ELOA: variants seen among roughly 807,000 people sequenced by gnomAD.
ELOA encodes the protein elongin A.
ELOA carries 15 observed loss-of-function variants against 85.2 expected under a neutral mutation model. That is an observed-to-expected ratio of 0.18 (90% CI 0.12 to 0.27). The LOEUF (loss-of-function observed/expected upper bound fraction) is 0.27. ELOA is among the 10% of genes least tolerant of loss of function. The pLI is 1.00. For synonymous variants in ELOA, 348 were observed against 357.2 expected (o/e 0.97, Z 0.29); for missense variants, 769 against 952.7 (o/e 0.81, Z 2.54).
At chr1:23,752,644 G>A (rs1644776554) in intron 5 of ELOA, 126 bp downstream of exon 5, 2 of 1,040,926 alleles carry the variant, frequency 1.9e-6, no homozygotes, top group East Asian at 2.9e-5. Flanking sequence ...ATTGCTTGCG[G>A]CCAAGGGTTC....
At chr1:23,754,518 A>T (rs1644786255) in intron 7 of ELOA, 58 bp downstream of exon 7, 2 of 1,369,910 alleles carry the variant, frequency 1.5e-6, no homozygotes, top group Admixed American at 3.4e-5. Context: ...CTCCAGAAAT[A>T]GCTTTGTCCC....
Position 23,759,803 on chromosome 1 carries a change from G to T in ELOA, c.*230G>T. The T allele has an allele frequency of 3.7e-6, 2 of 533,538 alleles. No homozygotes were observed. Among genetic ancestry groups the T allele is most frequent in the Non-Finnish European group, 3.3e-6 (1 of 299,218 alleles). The allele number at this position is 533,538 out of a possible 1,614,324, so 33.1% of individuals were successfully genotyped here. ...AGATGTGAAGCCTCTGTCTCACTGA[G>T]GATTTTAAAGGTCAATTATACTTTT... On this transcript the variant is annotated 3_prime_UTR_variant, in exon 11 of 11. Coordinates refer to ENST00000613537, the MANE Select transcript of ELOA (RefSeq NM_003198.3).
intron 1 of ELOA, among the ~76,000 whole-genome samples, chr1:23,744,448 T>A: frequency 7.0e-6 from 1 of 142,854 alleles, no homozygotes; most frequent in East Asian, 2.0e-4. Context: ...GTTGTCAGGA[T>A]TTTTTTTTTT....
chr1:23,746,823 A>G (rs935153312), intron 1 of ELOA, among the ~76,000 whole-genome samples: 3 of 152,172 alleles, frequency 2.0e-5, no homozygotes, highest in Admixed American at 2.0e-4. Flanking sequence ...CAAGCTCTAT[A>G]GTTGGTATCT....
chr1:23,758,314 C>T (rs1190677307), intron 10 of ELOA, among the ~76,000 whole-genome samples: 2 of 105,412 alleles, frequency 1.9e-5, no homozygotes, highest in Admixed American at 1.3e-4. Context: ...CACTCTGTCG[C>T]CTGGGCTGGA....
chr1:23,758,824 C>G (rs2148389514), intron 10 of ELOA, among the ~76,000 whole-genome samples: 1 of 152,072 alleles, frequency 6.6e-6, no homozygotes, highest in African/African-American at 2.4e-5. Context: ...TGTTTCTACA[C>G]TGGACAGATT....
In ELOA at chr1:23,756,004, A is replaced by G. The variant is rs2148388044; in HGVS notation, c.1953A>G (p.Ala651=). The G allele has an allele frequency of 6.2e-7, 1 of 1,613,096 alleles. No individual in the cohort carries two copies. The highest frequency in any genetic ancestry group is 8.5e-7 in the Non-Finnish European group (1 of 1,179,768). ...TACTAACAAAGAATATCCAGTTCGCACATGCCAATAAGCCCAAAGGTAACA... is the reference window on the plus strand; with the variant it reads ...TACTAACAAAGAATATCCAGTTCGCGCATGCCAATAAGCCCAAAGGTAACA... ...LRVLTKNIQF[A]HANKPKGRQA... Residue 651 remains alanine, a synonymous_variant, in exon 8 of 11, where the codon GCA becomes GCG. Coordinates refer to ENST00000613537, the MANE Select transcript of ELOA (RefSeq NM_003198.3).
rs753868190 is a variant in ELOA at position 23,750,816 on chromosome 1, T to C, written c.240-29T>C. 31 of 1,530,176 alleles carry C rather than the reference T, an allele frequency of 2.0e-5. No individual in the cohort carries two copies. The East Asian group carries it at 6.8e-4, about 34-fold the overall frequency. The allele number at this position is 1,530,176 out of a possible 1,614,324, so 94.8% of individuals were successfully genotyped here. On this transcript the variant is annotated intron_variant, in intron 3 of 10. Coordinates refer to ENST00000613537, the MANE Select transcript of ELOA (RefSeq NM_003198.3). Reference sequence around the variant, plus strand: ...TCCCTCAAGAAGCAAGATTTAGACCTACTTTGTCTGCTTTTTCTTTTATTT... The same window carrying C: ...TCCCTCAAGAAGCAAGATTTAGACCCACTTTGTCTGCTTTTTCTTTTATTT...
Position 23,758,251 on chromosome 1 carries a change from A to ATTTTTTTTTTTTT in ELOA, c.2257+1129_2257+1130insTTTTTTTTTTTTT, listed in dbSNP as rs1276332597. On this transcript the variant is annotated intron_variant, in intron 10 of 10. Transcript: ENST00000613537. ...TATATCTAATTGGGTCTTCCAATTT[A>ATTTTTTTTTTTTT]TTTATTTATTTTTTTTTTTTTTTTT... is the stretch of plus-strand genomic sequence containing the variant. Among the ~76,000 whole-genome samples the ATTTTTTTTTTTTT allele has an allele frequency of 2.0e-3, 95 of 48,536 alleles. 9 individuals are homozygous for ATTTTTTTTTTTTT. The highest frequency in any genetic ancestry group is 4.4e-3 in the East Asian group (7 of 1,598). 31.8% of individuals were successfully genotyped at this position (48,536 alleles called of 152,430 possible). A position where few individuals can be genotyped will look rare whatever the true frequency, so the allele number is the denominator to read the frequency against.
intron 1 of ELOA, chr1:23,744,230 G>C (rs542538358): frequency 1.3e-5 from 2 of 152,386 alleles, no homozygotes; most frequent in African/African-American, 4.8e-5. Context: ...GCCCGGGGTT[G>C]GAAGTCGCAG....
intron 1 of ELOA, among the ~76,000 whole-genome samples, chr1:23,746,247 C>T (rs563307149): frequency 2.2e-4 from 32 of 148,604 alleles, no homozygotes; most frequent in African/African-American, 7.9e-4. Flanking sequence ...GAGATCGCGC[C>T]ATTGCACTCC....
intron 1 of ELOA, among the ~76,000 whole-genome samples, chr1:23,746,500 G>A (rs551762969): frequency 6.6e-6 from 1 of 150,740 alleles, no homozygotes; most frequent in East Asian, 1.9e-4. Context: ...CCAGCTACTC[G>A]GGAGGCTGAG....
At chr1:23,749,695 CA>C in intron 2 of ELOA, 146 bp from the exon 3 acceptor site, 1 of 664,778 alleles carries the variant, frequency 1.5e-6, no homozygotes. Flanking sequence ...GGCATAGACA[CA>C]AAGTAATTTA....
At chr1:23,746,877 G>A (rs902473490) in intron 1 of ELOA, among the ~76,000 whole-genome samples, 1 of 152,182 alleles carries the variant, frequency 6.6e-6, no homozygotes, top group Non-Finnish European at 1.5e-5. Context: ...GATGCCCAAT[G>A]TGCCTTTGCC....
At chr1:23,757,758 C>T (rs1016270913) in intron 10 of ELOA, among the ~76,000 whole-genome samples, 1 of 151,108 alleles carries the variant, frequency 6.6e-6, no homozygotes, top group Non-Finnish European at 1.5e-5. Flanking sequence ...CTTGGCCTCC[C>T]AAGTGCTGGG....
chr1:23,754,325 G>T, intron 6 of ELOA, 38 bp from the exon 7 acceptor site: 3 of 1,613,888 alleles, frequency 1.9e-6, no homozygotes, highest in Non-Finnish European at 2.5e-6. Flanking sequence ...GGGTGGCTTG[G>T]CTGCTACTCA....
chr1:23,748,953 C>A, intron 1 of ELOA, 68 bp from the exon 2 acceptor site: 2 of 1,285,970 alleles, frequency 1.6e-6, no homozygotes, highest in African/African-American at 1.5e-5. Flanking sequence ...TAGCACTAAG[C>A]ACTTAATAAT....
At chr1:23,757,205 A>T in intron 10 of ELOA, 80 bp downstream of exon 10, 1 of 1,440,370 alleles carries the variant, frequency 6.9e-7, no homozygotes, top group Non-Finnish European at 9.2e-7. Flanking sequence ...ACTGTATTAC[A>T]TTTTGTGGAC....
Position 23,758,152 on chromosome 1 carries a change from T to C in ELOA, c.2257+1027T>C, listed in dbSNP as rs187225177. ...ACCACAGTGTTCATAATTACTAATA[T>C]TAACAGCTAAATGACAGGCCCTCTT... On this transcript the variant is annotated intron_variant, in intron 10 of 10. Transcript: ENST00000613537. 9.9e-5 allele frequency among the ~76,000 whole-genome samples: 15 copies of C among 151,772 alleles called. No homozygotes were observed. In the Admixed American group the frequency reaches 9.9e-4, roughly 10 times the overall value.
Sources: gnomAD v4.1 joint callset for allele counts (sites outside exome capture counted in the v4.1 genomes callset) on GRCh38, gnomAD v4.1.1 for gene constraint, MANE v1.5 for transcripts, NCBI Gene and HGNC (gene_info 2026-07-23, HGNC 2026-07-21) for gene names.